Variants in ARHGEF28 observed in about 807,000 individuals in gnomAD.
The protein encoded by ARHGEF28 is 190 kDa guanine nucleotide exchange factor.
In ARHGEF28, 152 loss-of-function variants were observed where a neutral mutation model predicts 206.6. The ratio of observed to expected loss-of-function variants is 0.74; its 90% CI spans 0.64 to 0.84. The LOEUF is 0.84. Ranked by LOEUF, ARHGEF28 falls within the 40% of genes least tolerant of loss-of-function variation. ARHGEF28 has a pLI of 0.00. For synonymous variants in ARHGEF28, 763 were observed against 776.4 expected, an observed-to-expected ratio of 0.98 and a Z score of 0.29; for missense variants, 2,028 against 2,073.2, an observed-to-expected ratio of 0.98 and a Z score of 0.42.
In ARHGEF28 at chr5:73,857,572, C is replaced by T. The variant is rs1023366021; in HGVS notation, c.1791-84C>T. On this transcript the variant is annotated intron_variant, in intron 14 of 35. Transcript: ENST00000513042. ...ACACATACATATATGTGTACACACACACACACACACACACATACACACACA... is the reference window on the plus strand; with the variant it reads ...ACACATACATATATGTGTACACACATACACACACACACACATACACACACA... 8 of 1,321,160 alleles carry T rather than the reference C, an allele frequency of 6.1e-6. No homozygotes were observed. The African/African-American group carries it at 1.2e-4, about 19-fold the overall frequency. The allele number at this position is 1,321,160 out of a possible 1,614,324, so 81.8% of individuals were successfully genotyped here.
intron 28 of ARHGEF28, among the ~76,000 whole-genome samples, chr5:73,894,029 C>T (rs959659105): frequency 2.0e-5 from 3 of 152,318 alleles, no homozygotes; most frequent in Non-Finnish European, 4.4e-5. Context: ...TTGTATTGTT[C>T]ACTCATCATG....
intron 2 of ARHGEF28, among the ~76,000 whole-genome samples, chr5:73,714,815 T>C (rs1749474552): frequency 6.6e-6 from 1 of 152,190 alleles, no homozygotes; most frequent in Admixed American, 6.5e-5. Flanking sequence ...CTTCTGGTCA[T>C]TACCCTCTCC....
chr5:73,845,768 G>A (rs1156306468), intron 11 of ARHGEF28, among the ~76,000 whole-genome samples: 2 of 152,046 alleles, frequency 1.3e-5, no homozygotes, highest in Non-Finnish European at 2.9e-5. Flanking sequence ...ACTGAGGTGG[G>A]TGGATCCATT....
intron 35 of ARHGEF28, among the ~76,000 whole-genome samples, chr5:73,922,176 G>A (rs1763557151): frequency 6.6e-6 from 1 of 152,214 alleles, no homozygotes; most frequent in South Asian, 2.1e-4. Context: ...TGTCATCATA[G>A]GATTCTATAA....
intron 27 of ARHGEF28, among the ~76,000 whole-genome samples, chr5:73,892,839 T>G (rs2112687470): frequency 6.6e-6 from 1 of 152,288 alleles, no homozygotes; most frequent in South Asian, 2.1e-4. Context: ...GATCCTGAAG[T>G]TATATAAAAT....
chr5:73,851,423 G>A (rs569056533), intron 13 of ARHGEF28, among the ~76,000 whole-genome samples: 2 of 147,702 alleles, frequency 1.4e-5, no homozygotes, highest in East Asian at 2.0e-4. Context: ...TTTTTTTTGA[G>A]CCAAGAGTAC....
intron 11 of ARHGEF28, among the ~76,000 whole-genome samples, chr5:73,842,811 C>A (rs996670139): frequency 2.0e-5 from 3 of 151,974 alleles, no homozygotes; most frequent in Non-Finnish European, 4.4e-5. Flanking sequence ...GGTGAAACTC[C>A]CGCTCTAGTA....
At chr5:73,897,268 C>A (rs572132626) in intron 29 of ARHGEF28, among the ~76,000 whole-genome samples, 44 of 152,286 alleles carry the variant, frequency 2.9e-4, no homozygotes, top group African/African-American at 1.0e-3. Flanking sequence ...GAGATGAGTG[C>A]TGATCACATG....
Position 73,840,721 on chromosome 5 carries a change from A to G in ARHGEF28, c.1388A>G (p.His463Arg), listed in dbSNP as rs1184661744. 1.9e-6 allele frequency: 3 copies of G among 1,611,508 alleles called. No individual in the cohort carries two copies. The highest frequency in any genetic ancestry group is 1.1e-5 in the South Asian group (1 of 90,510). Residue 463 changes from histidine to arginine, a missense_variant, in exon 11 of 36, where the codon CAT (histidine) becomes CGT (arginine). His to Arg is a conservative substitution (Grantham distance 29, BLOSUM62 0). Coordinates refer to ENST00000513042, the MANE Select transcript of ARHGEF28 (RefSeq NM_001177693.2). ...ASNLNLSFGWHGFEKEQSHLK... is the reference protein window; with the variant it reads ...ASNLNLSFGWRGFEKEQSHLK... ...AACTTGAATCTTTCTTTTGGTTGGC[A>G]TGGATTTGAAAAGGAACAAAGTCAT...
At chr5:73,936,480 C>CATAA (rs1764424216) in intron 35 of ARHGEF28, among the ~76,000 whole-genome samples, 1 of 152,084 alleles carries the variant, frequency 6.6e-6, no homozygotes, top group South Asian at 2.1e-4. Flanking sequence ...AAGTATAAAG[C>CATAA]AATTGAAAAA....
intron 9 of ARHGEF28, among the ~76,000 whole-genome samples, chr5:73,811,962 G>T (rs949985414): frequency 3.6e-5 from 5 of 137,722 alleles, no homozygotes; most frequent in African/African-American, 1.4e-4. Context: ...CAGCCTAGGC[G>T]ACAGAGTGAG....
At chr5:73,765,881 G>A (rs549516665) in intron 4 of ARHGEF28, among the ~76,000 whole-genome samples, 5 of 152,208 alleles carry the variant, frequency 3.3e-5, no homozygotes, top group South Asian at 4.2e-4. Flanking sequence ...GGCTGGGCGC[G>A]GTGGCTCACG....
chr5:73,802,870 C>CTCTGTGTGTGTG lies in ARHGEF28; in HGVS notation c.1024+7480_1024+7481insCTGTGTGTGTGT, dbSNP rs780935234. Among the ~76,000 whole-genome samples, 47 of 122,226 alleles carry CTCTGTGTGTGTG rather than the reference C, an allele frequency of 3.8e-4. 1 individual carries two copies. Among genetic ancestry groups the CTCTGTGTGTGTG allele is most frequent in the South Asian group, 1.2e-3 (4 of 3,368 alleles). 80.2% of individuals were successfully genotyped at this position (122,226 alleles called of 152,430 possible). ...GATAATTGGCCAGCAAGCTCGATTG[C>CTCTGTGTGTGTG]TGTGTGTGTGTGTGTGTGTGTGTGT... is the stretch of plus-strand genomic sequence containing the variant. On this transcript the variant is annotated intron_variant, in intron 9 of 35. Coordinates refer to ENST00000513042, the MANE Select transcript of ARHGEF28 (RefSeq NM_001177693.2).
intron 13 of ARHGEF28, 95 bp downstream of exon 13, chr5:73,849,182 C>G: frequency 1.1e-6 from 1 of 900,648 alleles, no homozygotes; most frequent in South Asian, 1.7e-5. Flanking sequence ...GAACAGCAGA[C>G]AAGAATTTTC....
At chr5:73,659,697 C>T (rs935543584) in intron 1 of ARHGEF28, among the ~76,000 whole-genome samples, 1 of 152,146 alleles carries the variant, frequency 6.6e-6, no homozygotes, top group African/African-American at 2.4e-5. Context: ...TTCAGTTCCA[C>T]ATCACCACAA....
intron 9 of ARHGEF28, among the ~76,000 whole-genome samples, chr5:73,811,796 G>C (rs1208803088): frequency 1.3e-5 from 2 of 152,040 alleles, no homozygotes; most frequent in Non-Finnish European, 2.9e-5. Context: ...CAGCCTGGCT[G>C]ACGTAGAAAT....
intron 1 of ARHGEF28, among the ~76,000 whole-genome samples, chr5:73,643,821 A>AG (rs1744266143): frequency 6.6e-6 from 1 of 152,006 alleles, no homozygotes; most frequent in South Asian, 2.1e-4. Flanking sequence ...TCTCAAAAAA[A>AG]AAAAAAAAAA....
chr5:73,832,607 G>C, intron 10 of ARHGEF28, 148 bp downstream of exon 10: 1 of 1,118,582 alleles, frequency 8.9e-7, no homozygotes, highest in Non-Finnish European at 1.2e-6. Context: ...CATTGTATGA[G>C]CATTTAAGCA....
At chr5:73,874,795 C>A (rs1171529174) in intron 22 of ARHGEF28, among the ~76,000 whole-genome samples, 1 of 147,846 alleles carries the variant, frequency 6.8e-6, no homozygotes, top group African/African-American at 2.5e-5. Context: ...ATATGTGCCA[C>A]ATTTTCTTAA....
Sources: gnomAD v4.1 joint callset for allele counts (sites outside exome capture counted in the v4.1 genomes callset) on GRCh38, gnomAD v4.1.1 for gene constraint, MANE v1.5 for transcripts, NCBI Gene and HGNC (gene_info 2026-07-23, HGNC 2026-07-21) for gene names.